CDH13: variants seen among roughly 807,000 people sequenced by gnomAD.
CDH13 encodes the protein cadherin 13.
Under a neutral mutation model 63.8 loss-of-function variants are expected in CDH13, and 24 were observed. That is an observed-to-expected ratio of 0.38 (90% CI 0.27 to 0.53). CDH13 has a LOEUF of 0.53. CDH13 is among the 20% of genes least tolerant of loss of function. The pLI, the probability that CDH13 is intolerant of heterozygous loss-of-function variation, is 0.85. For synonymous variants in CDH13, 503 were observed against 355.3 expected, an observed-to-expected ratio of 1.42 and a Z score of -4.67; for missense variants, 1,049 against 903.1, an observed-to-expected ratio of 1.16 and a Z score of -2.07.
intron 1 of CDH13, among the ~76,000 whole-genome samples, chr16:82,663,766 A>G (rs1912258690): frequency 6.6e-6 from 1 of 152,166 alleles, no homozygotes; most frequent in Non-Finnish European, 1.5e-5. Context: ...GAGCCCACAT[A>G]AGAACCAAGG....
chr16:82,715,844 C>T (rs2032330847), intron 1 of CDH13, among the ~76,000 whole-genome samples: 1 of 152,190 alleles, frequency 6.6e-6, no homozygotes, highest in African/African-American at 2.4e-5. Context: ...ATTTCCCCTG[C>T]TCTCAAAACA....
At chr16:82,700,187 C>T (rs146680395) in intron 1 of CDH13, among the ~76,000 whole-genome samples, 3,108 of 152,244 alleles carry the variant, frequency 0.02, 52 homozygotes, top group Middle Eastern at 0.048. Context: ...ATTTTTCCTG[C>T]GGGACTTCTC....
chr16:82,895,464 C>G (rs1206637237), intron 2 of CDH13, among the ~76,000 whole-genome samples: 3 of 152,182 alleles, frequency 2.0e-5, no homozygotes, highest in Non-Finnish European at 4.4e-5. Context: ...AAGGCCCAGA[C>G]TCACTGGTTC....
chr16:82,739,222 ATAAAT>A (rs1395044677), intron 1 of CDH13, among the ~76,000 whole-genome samples: 2 of 141,772 alleles, frequency 1.4e-5, no homozygotes, highest in African/African-American at 5.0e-5. Context: ...TAGTAATTAC[ATAAAT>A]CAGAGGAAAA....
At chr16:83,023,306 C>T (rs971127412) in intron 2 of CDH13, among the ~76,000 whole-genome samples, 1 of 151,954 alleles carries the variant, frequency 6.6e-6, no homozygotes, top group East Asian at 1.9e-4. Flanking sequence ...CACTACCCCC[C>T]GACTCCACCC....
intron 1 of CDH13, among the ~76,000 whole-genome samples, chr16:82,829,092 G>T (rs1372964585): frequency 6.6e-6 from 1 of 152,192 alleles, no homozygotes; most frequent in South Asian, 2.1e-4. Context: ...GTGGTCCATG[G>T]AGACTGGTTG....
chr16:82,905,139 C>T lies in CDH13; in HGVS notation c.157+46666C>T, dbSNP rs144002207. 3.1e-4 allele frequency among the ~76,000 whole-genome samples: 47 copies of T among 152,238 alleles called. No individual in the cohort carries two copies. The East Asian group carries it at 6.4e-3, about 21-fold the overall frequency. ...AGGCAGTGCCATTCACAATGAGCCACGGCTGCTGACAGCAGTTCTGTAACC... is the reference window on the plus strand; with the variant it reads ...AGGCAGTGCCATTCACAATGAGCCATGGCTGCTGACAGCAGTTCTGTAACC... On this transcript the variant is annotated intron_variant, in intron 2 of 13. Transcript: ENST00000567109.
chr16:83,303,405 G>C (rs755509230), intron 5 of CDH13, among the ~76,000 whole-genome samples: 8 of 152,174 alleles, frequency 5.3e-5, no homozygotes, highest in Non-Finnish European at 8.8e-5. Context: ...ATTTGAAGGG[G>C]AGTAAATAAC....
intron 2 of CDH13, among the ~76,000 whole-genome samples, chr16:82,878,895 A>C (rs556573106): frequency 7.8e-4 from 119 of 152,288 alleles, no homozygotes; most frequent in African/African-American, 2.7e-3. Flanking sequence ...CAAAGGCAGC[A>C]GGCAGGCTTT....
chr16:82,803,798 T>A (rs1386310964), intron 1 of CDH13, among the ~76,000 whole-genome samples: 1 of 152,128 alleles, frequency 6.6e-6, no homozygotes, highest in Non-Finnish European at 1.5e-5. Context: ...CAGAGTAGAA[T>A]GGTGATTTGG....
chr16:82,851,211 G>C (rs773293972), intron 1 of CDH13, among the ~76,000 whole-genome samples: 1 of 151,998 alleles, frequency 6.6e-6, no homozygotes, highest in Non-Finnish European at 1.5e-5. Context: ...TGAGGCGGGC[G>C]AATCGCAAGG....
chr16:83,319,995 A>C (rs577318803), intron 5 of CDH13, among the ~76,000 whole-genome samples: 2 of 152,316 alleles, frequency 1.3e-5, no homozygotes, highest in South Asian at 2.1e-4. Flanking sequence ...ATTCTGCAGC[A>C]CGTGACACAG....
chr16:83,433,358 G>C (rs1297063508), intron 6 of CDH13, among the ~76,000 whole-genome samples: 1 of 152,158 alleles, frequency 6.6e-6, no homozygotes. Context: ...GTTCCAATGA[G>C]TCAGCAAAAA....
intron 5 of CDH13, among the ~76,000 whole-genome samples, chr16:83,230,789 G>A (rs1041614190): frequency 6.6e-6 from 1 of 152,156 alleles, no homozygotes; most frequent in Non-Finnish European, 1.5e-5. Context: ...CTGTCTCAAA[G>A]TTATCCCAGA....
chr16:83,751,044 G>A (rs1056222888), intron 11 of CDH13, among the ~76,000 whole-genome samples: 1 of 151,926 alleles, frequency 6.6e-6, no homozygotes, highest in Non-Finnish European at 1.5e-5. Context: ...AAGTTGGTCA[G>A]CATTAGTGGA....
At chr16:82,643,087 A>G (rs531799282) in intron 1 of CDH13, among the ~76,000 whole-genome samples, 50 of 152,322 alleles carry the variant, frequency 3.3e-4, no homozygotes, top group African/African-American at 1.2e-3. Flanking sequence ...ATGGGTATAG[A>G]ATTGCTTTGG....
chr16:83,362,790 G>A (rs535614157), intron 6 of CDH13, among the ~76,000 whole-genome samples: 24 of 152,206 alleles, frequency 1.6e-4, no homozygotes, highest in South Asian at 6.2e-4. Context: ...CTTATTCGGC[G>A]GTCTCTAACA....
chr16:82,876,334 A>C (rs77834112), intron 2 of CDH13, among the ~76,000 whole-genome samples: 6,308 of 152,324 alleles, frequency 0.041, 167 homozygotes, highest in Middle Eastern at 0.14. Flanking sequence ...TTGAGTAGTG[A>C]ATAGTACATT....
At chr16:83,397,175 C>A (rs1474719802) in intron 6 of CDH13, among the ~76,000 whole-genome samples, 3 of 152,140 alleles carry the variant, frequency 2.0e-5, no homozygotes, top group Non-Finnish European at 4.4e-5. Context: ...CCTCTCTCAC[C>A]AAGTTGTGTT....
Sources: gnomAD v4.1 joint callset for allele counts (sites outside exome capture counted in the v4.1 genomes callset) on GRCh38, gnomAD v4.1.1 for gene constraint, MANE v1.5 for transcripts, NCBI Gene and HGNC (gene_info 2026-07-23, HGNC 2026-07-21) for gene names.